PCDH10: variants seen among roughly 807,000 people sequenced by gnomAD.
PCDH10 encodes the protein protocadherin 10.
Under a neutral mutation model 74.4 loss-of-function variants are expected in PCDH10, and 15 were observed. The observed-to-expected ratio is 0.20, with a 90% CI of 0.13 to 0.31. The LOEUF is 0.31. Ranked by LOEUF, PCDH10 falls within the 10% of genes least tolerant of loss-of-function variation. PCDH10 has a pLI of 1.00. For synonymous variants in PCDH10, 619 were observed against 589.8 expected, an observed-to-expected ratio of 1.05 and a Z score of -0.72; for missense variants, 1,260 against 1,390.2, an observed-to-expected ratio of 0.91 and a Z score of 1.49.
In PCDH10 at chr4:133,150,038, A is replaced by G. The variant is rs1426586264; in HGVS notation, c.-103A>G. ...AGCCACAGGAGCCCCCACGTAGCGCACTTTTATTTGTATTTTTTCAGATTT... is the reference window on the plus strand; with the variant it reads ...AGCCACAGGAGCCCCCACGTAGCGCGCTTTTATTTGTATTTTTTCAGATTT... On this transcript the variant is annotated 5_prime_UTR_variant, in exon 1 of 5. Transcript: ENST00000264360. 14 of 1,434,868 alleles carry G rather than the reference A, an allele frequency of 9.8e-6. No homozygotes were observed. Among genetic ancestry groups the G allele is most frequent in the Non-Finnish European group, 1.2e-5 (13 of 1,091,458 alleles). 88.9% of individuals were successfully genotyped at this position (1,434,868 alleles called of 1,614,324 possible). A position where few individuals can be genotyped will look rare whatever the true frequency, so the allele number is the denominator to read the frequency against.
At chr4:133,204,818 C>T (rs1727970167) in intron 2 of PCDH10, among the ~76,000 whole-genome samples, 1 of 152,168 alleles carries the variant, frequency 6.6e-6, no homozygotes, top group Non-Finnish European at 1.5e-5. Flanking sequence ...CAACTGGACA[C>T]TGGACAAATG....
chr4:133,150,498 C>T lies in PCDH10; in HGVS notation c.358C>T (p.Pro120Ser), dbSNP rs1236906576. ...IEVLDINDNP[P>S]SFPEPDLTVE... ...GGTGCTGGACATTAATGACAACCCC[C>T]CCTCTTTCCCGGAGCCAGACCTGAC... The change falls in exon 1 of 5, where the codon CCC becomes TCC. Residue 120 changes from proline to serine, a missense_variant. Physicochemically the swap from Pro to Ser is moderately conservative, Grantham distance 74. Around this residue, in one of 11 missense-constraint regions of PCDH10, gnomAD observed 63 missense variants for 100.7 expected, o/e 0.63. Transcript: ENST00000264360. The T allele has an allele frequency of 6.2e-7, 1 of 1,612,856 alleles. No individual in the cohort carries two copies.
chr4:133,188,227 C>A (rs1727581556), intron 4 of PCDH10, among the ~76,000 whole-genome samples: 1 of 152,078 alleles, frequency 6.6e-6, no homozygotes, highest in Non-Finnish European at 1.5e-5. Flanking sequence ...TTTCACTCAC[C>A]AGTGGGTCCA....
rs1250024117 is a variant in PCDH10 at position 133,151,039 on chromosome 4, T to G, written c.899T>G (p.Leu300Arg). Residue 300 changes from leucine to arginine, a missense_variant, in exon 1 of 5, where the codon CTT (leucine) becomes CGT (arginine). By Grantham distance (102) the Leu-to-Arg change is moderately radical (BLOSUM62 -2). This residue lies in a region of PCDH10 where 192 missense variants were observed against 161.2 expected (regional missense o/e 1.19). Transcript: ENST00000264360. ...CACATTTCGCCCCGGGCGCGGGAGC[T>G]TTTCGGACTCTCGCCGCGCACTGGC... is the stretch of plus-strand genomic sequence containing the variant. ...SSHISPRARE[L>R]FGLSPRTGRL... is the part of the protein sequence containing the mutation. The G allele has an allele frequency of 5.0e-6, 8 of 1,613,700 alleles. No individual in the cohort carries two copies. Among genetic ancestry groups the G allele is most frequent in the Non-Finnish European group, 5.9e-6 (7 of 1,180,018 alleles).
intron 2 of PCDH10, 48 bp from the exon 3 acceptor site, chr4:133,154,869 T>C (rs1406602640): frequency 7.9e-7 from 1 of 1,271,478 alleles, no homozygotes; most frequent in Non-Finnish European, 1.2e-6. Context: ...ATGTTTTCTG[T>C]GTTTCTTCAC....
At position 133,163,295 on chromosome 4, in the gene PCDH10, C is replaced by G. The variant is rs1419671440; in HGVS notation, c.3103+13C>G. On this transcript the variant is annotated intron_variant, in intron 4 of 4. Coordinates refer to ENST00000264360, the MANE Select transcript of PCDH10 (RefSeq NM_032961.3). ...CCACCATATTTGAGTAAGTATTACACAAAGGGCTCTGTTAAAGTGTTCCCT... is the reference window on the plus strand; with the variant it reads ...CCACCATATTTGAGTAAGTATTACAGAAAGGGCTCTGTTAAAGTGTTCCCT... 1.9e-6 allele frequency: 3 copies of G among 1,590,410 alleles called. No homozygotes were observed. In the African/African-American group the frequency reaches 4.0e-5, roughly 21 times the overall value.
At chr4:133,169,002 A>G (rs1053303883) in intron 4 of PCDH10, among the ~76,000 whole-genome samples, 3 of 151,800 alleles carry the variant, frequency 2.0e-5, no homozygotes, top group Non-Finnish European at 4.4e-5. Context: ...GTAAAATATC[A>G]TGGAGTGTTT....
At chr4:133,198,834 T>C (rs1276726344), downstream of PCDH10, among the ~76,000 whole-genome samples, 1 of 152,120 alleles carries the variant, frequency 6.6e-6, no homozygotes, top group Non-Finnish European at 1.5e-5. Context: ...AAAGGTATAT[T>C]AGGTGATTTT....
Position 133,150,784 on chromosome 4 carries a change from G to A in PCDH10, c.644G>A (p.Gly215Glu), listed in dbSNP as rs12650626. The stretch of plus-strand genomic sequence containing the variant: ...GGAGGTGGGGGAGGAGTAGGAGAAG[G>A]AGGGGGAGGTGGCGGGGGAGCAGGC... ...DGGGGGGVGE[G>E]GGGGGGAGLP... is the part of the protein sequence containing the mutation. The change falls in exon 1 of 5, where the codon GGA (glycine) becomes GAA (glutamate). Residue 215 changes from glycine to glutamate, a missense_variant. Gly to Glu is a moderately conservative substitution (Grantham distance 98). Around this residue, in one of 11 missense-constraint regions of PCDH10, gnomAD observed 192 missense variants for 161.2 expected, o/e 1.19. Transcript: ENST00000264360. 2.5e-6 allele frequency: 4 copies of A among 1,585,386 alleles called. No individual in the cohort carries two copies. The highest frequency in any genetic ancestry group is 3.4e-6 in the Non-Finnish European group (4 of 1,165,942).
rs1436540025 is a variant in PCDH10 at position 133,191,849 on chromosome 4, C to T, written c.*1689C>T. ...TTATATTCAATGACAGTTTGAGCTG[C>T]ACTGTGTTATTAAAGAATAGACTAA... On this transcript the variant is annotated 3_prime_UTR_variant, in exon 5 of 5. Coordinates refer to ENST00000264360, the MANE Select transcript of PCDH10 (RefSeq NM_032961.3). 1.3e-5 allele frequency: 2 copies of T among 151,404 alleles called. No individual in the cohort carries two copies. The highest frequency in any genetic ancestry group is 3.0e-5 in the Non-Finnish European group (2 of 67,654). The allele number at this position is 151,404 out of a possible 1,614,324, so 9.4% of individuals were successfully genotyped here.
intron 4 of PCDH10, among the ~76,000 whole-genome samples, chr4:133,165,923 T>C (rs1431738697): frequency 2.0e-5 from 3 of 151,784 alleles, no homozygotes; most frequent in African/African-American, 7.2e-5. Flanking sequence ...TTAAATAATG[T>C]ACTTCATGTT....
At chr4:133,182,160 A>C (rs2125870637) in intron 4 of PCDH10, among the ~76,000 whole-genome samples, 1 of 152,192 alleles carries the variant, frequency 6.6e-6, no homozygotes, top group East Asian at 1.9e-4. Flanking sequence ...AGGTGCAAAT[A>C]GATTTATACA....
At chr4:133,183,077 C>G (rs1027449708) in intron 4 of PCDH10, among the ~76,000 whole-genome samples, 2 of 151,974 alleles carry the variant, frequency 1.3e-5, no homozygotes, top group African/African-American at 4.8e-5. Flanking sequence ...TTCCTCAAAT[C>G]AATTCAAATA....
rs757835485 is a variant in PCDH10 at position 133,150,666 on chromosome 4, G to T, written c.526G>T (p.Asp176Tyr). 1.2e-6 allele frequency: 2 copies of T among 1,613,008 alleles called. No homozygotes were observed. The highest frequency in any genetic ancestry group is 2.7e-5 in the African/African-American group (2 of 74,826). ...YFSLDVQTQGDGNRFAELVLE... is the reference protein window; with the variant it reads ...YFSLDVQTQGYGNRFAELVLE... ...CTCCCTGGACGTGCAGACCCAGGGG[G>T]ATGGCAACCGATTCGCTGAGCTGGT... Residue 176 changes from aspartate (D) to tyrosine (Y), a missense_variant, in exon 1 of 5, where the codon GAT becomes TAT. Physicochemically the swap from Asp to Tyr is radical, Grantham distance 160. Coordinates refer to ENST00000264360, the MANE Select transcript of PCDH10 (RefSeq NM_032961.3).
chr4:133,186,402 C>T (rs914327267), intron 4 of PCDH10, among the ~76,000 whole-genome samples: 22 of 152,124 alleles, frequency 1.4e-4, no homozygotes, highest in African/African-American at 4.6e-4. Context: ...TGACCAATTC[C>T]CTACATGCTG....
intron 4 of PCDH10, among the ~76,000 whole-genome samples, chr4:133,177,132 C>T (rs187517537): frequency 4.0e-4 from 60 of 151,866 alleles, no homozygotes; most frequent in Non-Finnish European, 6.3e-4. Context: ...CATAGATGCC[C>T]GAAAATGATC....
intron 2 of PCDH10, among the ~76,000 whole-genome samples, chr4:133,206,326 C>T (rs1477992097): frequency 6.6e-6 from 1 of 152,156 alleles, no homozygotes; most frequent in Non-Finnish European, 1.5e-5. Context: ...GTTTCAACCT[C>T]CTTAGAGAAT....
chr4:133,199,100 G>A (rs1727850178), downstream of PCDH10, among the ~76,000 whole-genome samples: 2 of 151,602 alleles, frequency 1.3e-5, no homozygotes, highest in Admixed American at 1.3e-4. Context: ...TGGGTAACAT[G>A]GAGAGACCCT....
At chr4:133,154,625 C>T (rs1409562770) in intron 2 of PCDH10, among the ~76,000 whole-genome samples, 2 of 152,156 alleles carry the variant, frequency 1.3e-5, no homozygotes, top group African/African-American at 4.8e-5. Context: ...GTCTTCCTCA[C>T]TGTTCCAAAT....
Sources: allele counts gnomAD v4.1 joint callset (sites outside exome capture counted in the v4.1 genomes callset), GRCh38; gene constraint gnomAD v4.1.1; regional missense constraint gnomAD v4.1.1; transcripts MANE v1.5; gene names NCBI Gene and HGNC (gene_info 2026-07-23, HGNC 2026-07-21).